The following PHC2 variants were observed in gnomAD, a reference collection of about 807,000 sequenced individuals.
PHC2 encodes polyhomeotic-like protein 2.
A neutral mutation model predicts 87.4 loss-of-function variants in PHC2; 29 were observed. The ratio of observed to expected loss-of-function variants is 0.33; its 90% CI spans 0.25 to 0.45. The LOEUF is 0.45. Among genes scored for constraint, PHC2 ranks in the 20% least tolerant of loss-of-function variants. The pLI is 1.00. For missense variants in PHC2, 857 were observed against 1,136.7 expected, an observed-to-expected ratio of 0.75 and a Z score of 3.54; for synonymous variants, 438 against 461.7, an observed-to-expected ratio of 0.95 and a Z score of 0.66.
Position 33,412,780 on chromosome 1 carries a change from G to T in PHC2, c.-55+18196C>A, listed in dbSNP as rs146917762. On this transcript the variant is annotated intron_variant, in intron 1 of 14. Transcript: ENST00000683057. Reference sequence around the variant, plus strand: ...AGGAGCATAAATCTTGTAATTGAAGGATAGCATGGTTATTGAAAAATTCAG... The same window carrying T: ...AGGAGCATAAATCTTGTAATTGAAGTATAGCATGGTTATTGAAAAATTCAG... 7.5e-4 allele frequency among the ~76,000 whole-genome samples: 114 copies of T among 152,252 alleles called. 1 individual carries two copies. The East Asian group carries it at 0.018, about 24-fold the overall frequency.
intron 1 of PHC2, among the ~76,000 whole-genome samples, chr1:33,429,237 A>G (rs1393001602): frequency 1.3e-5 from 2 of 152,198 alleles, no homozygotes; most frequent in Non-Finnish European, 2.9e-5. Flanking sequence ...ACCAGGAATG[A>G]GGCTCAGAAA....
At chr1:33,326,345 C>T (rs1255003030) in intron 14 of PHC2, 1 of 157,686 alleles carries the variant, frequency 6.3e-6, no homozygotes, top group East Asian at 1.9e-4. Flanking sequence ...ACAGATTAAA[C>T]TTAGGATGTG....
intron 9 of PHC2, chr1:33,346,478 G>A (rs1289191405): frequency 8.1e-6 from 8 of 985,134 alleles, no homozygotes; most frequent in Admixed American, 6.1e-5. Flanking sequence ...CCTTTCAGAA[G>A]AGAATCTTTC....
chr1:33,351,557 C>T (rs958646038), intron 9 of PHC2, among the ~76,000 whole-genome samples: 2 of 152,170 alleles, frequency 1.3e-5, no homozygotes, highest in Non-Finnish European at 2.9e-5. Flanking sequence ...CATTTTTCAT[C>T]GTTTCAAGTA....
chr1:33,393,463 G>GTTTTTTTTTTTTTTTTTTTTTTTTTTTT (rs36030279), intron 1 of PHC2, among the ~76,000 whole-genome samples: 6 of 131,046 alleles, frequency 4.6e-5, no homozygotes, highest in Non-Finnish European at 4.7e-5. Flanking sequence ...TTTTCAAGAG[G>GTTTTTTTTTTTTTTTTTTTTTTTTTTTT]TTTTTTTTTT....
chr1:33,357,184 C>T (rs1022039254), intron 7 of PHC2, among the ~76,000 whole-genome samples: 9 of 152,200 alleles, frequency 5.9e-5, no homozygotes, highest in African/African-American at 1.4e-4. Flanking sequence ...GCTGGAGGCC[C>T]GCAAATGGAT....
At chr1:33,410,335 G>C (rs1649931480) in intron 1 of PHC2, among the ~76,000 whole-genome samples, 1 of 152,200 alleles carries the variant, frequency 6.6e-6, no homozygotes, top group African/African-American at 2.4e-5. Flanking sequence ...GCATGTGCAG[G>C]AGAAGCCAGA....
chr1:33,371,407 GGCCACCACCATCACACCCA>G (rs1647828413), intron 3 of PHC2, among the ~76,000 whole-genome samples: 1 of 151,512 alleles, frequency 6.6e-6, no homozygotes. Flanking sequence ...TATCACACCC[GGCCACCACCATCACACCCA>G]GCCACCACCA....
At chr1:33,352,897 G>C (rs1184380175) in intron 9 of PHC2, among the ~76,000 whole-genome samples, 2 of 152,118 alleles carry the variant, frequency 1.3e-5, no homozygotes, top group Non-Finnish European at 2.9e-5. Context: ...CTGAATAATG[G>C]GGCGATTCTA....
intron 9 of PHC2, chr1:33,336,965 A>T (rs1557821022): frequency 6.6e-6 from 1 of 152,226 alleles, no homozygotes; most frequent in Non-Finnish European, 1.5e-5. Flanking sequence ...GTGCTTTTAA[A>T]TTTTAAATAT....
intron 7 of PHC2, among the ~76,000 whole-genome samples, chr1:33,356,263 A>ACGTATATATG (rs1647074653): frequency 2.3e-5 from 2 of 87,420 alleles, no homozygotes; most frequent in Non-Finnish European, 5.0e-5. Context: ...ATATATATAT[A>ACGTATATATG]TATATATATA....
rs1401840934 is a variant in PHC2 at position 33,367,395 on chromosome 1, G to A, written c.697C>T (p.Pro233Ser). 3 of 1,592,850 alleles carry A rather than the reference G, an allele frequency of 1.9e-6. No homozygotes were observed. Among genetic ancestry groups the A allele is most frequent in the African/African-American group, 1.3e-5 (1 of 74,530 alleles). The change falls in exon 7 of 15, where the codon CCA becomes TCA. Residue 233 changes from proline to serine, a missense_variant. By Grantham distance (74) the Pro-to-Ser change is moderately conservative. Around this residue, in one of 3 missense-constraint regions of PHC2, gnomAD observed 832 missense variants for 1,081.8 expected, o/e 0.77. Transcript: ENST00000683057. Reference protein sequence around the residue: ...QNLTLRTQQTPAAAASGPTPT... With the variant: ...QNLTLRTQQTSAAAASGPTPT... ...GTGGGGCCCGAGGCTGCTGCCGCTG[G>A]TGTCTGCTGTGTTCGGAGGGTCAAG...
chr1:33,362,278 T>A (rs1647211694), intron 7 of PHC2, among the ~76,000 whole-genome samples: 1 of 152,256 alleles, frequency 6.6e-6, no homozygotes, highest in Non-Finnish European at 1.5e-5. Flanking sequence ...AAATACTACC[T>A]GTTATCTGAA....
intron 1 of PHC2, among the ~76,000 whole-genome samples, chr1:33,392,017 G>A (rs1431444910): frequency 6.6e-6 from 1 of 152,186 alleles, no homozygotes; most frequent in Non-Finnish European, 1.5e-5. Context: ...AGCACAGAGG[G>A]AAAGGAAAGT....
At chr1:33,419,262 TATG>T (rs934374451) in intron 1 of PHC2, among the ~76,000 whole-genome samples, 68 of 152,340 alleles carry the variant, frequency 4.5e-4, no homozygotes, top group African/African-American at 1.7e-4. Flanking sequence ...AGCTAAGCAG[TATG>T]ATAAGTGACT....
chr1:33,367,883 A>T (rs1393765841), intron 6 of PHC2, among the ~76,000 whole-genome samples: 2 of 152,130 alleles, frequency 1.3e-5, no homozygotes, highest in Non-Finnish European at 2.9e-5. Flanking sequence ...CTTGTCTCAG[A>T]ATAAGGTTGC....
chr1:33,419,313 C>T (rs968880375), intron 1 of PHC2, among the ~76,000 whole-genome samples: 3 of 152,156 alleles, frequency 2.0e-5, no homozygotes, highest in African/African-American at 4.8e-5. Flanking sequence ...GCCATAAAAA[C>T]GATGACAAAC....
intron 9 of PHC2, chr1:33,345,928 G>A (rs1272623524): frequency 1.0e-6 from 1 of 984,848 alleles, no homozygotes; most frequent in Non-Finnish European, 1.2e-6. Flanking sequence ...GCCTACCTCT[G>A]TTTGAGTTGT....
chr1:33,410,067 T>C (rs1178397543), intron 1 of PHC2, among the ~76,000 whole-genome samples: 4 of 152,332 alleles, frequency 2.6e-5, no homozygotes, highest in Middle Eastern at 3.4e-3. Flanking sequence ...TGCTGCTGAA[T>C]TGCTTGTCAC....
Sources: allele counts gnomAD v4.1 joint callset (sites outside exome capture counted in the v4.1 genomes callset), GRCh38; gene constraint gnomAD v4.1.1; regional missense constraint gnomAD v4.1.1; transcripts MANE v1.5; gene names NCBI Gene and HGNC (gene_info 2026-07-23, HGNC 2026-07-21).